The following NRXN3 variants were observed in gnomAD, a reference collection of about 807,000 sequenced individuals.
NRXN3 encodes neurexin 3.
NRXN3 carries 32 observed loss-of-function variants against 137.6 expected under a neutral mutation model. The ratio of observed to expected loss-of-function variants is 0.23; its 90% CI spans 0.18 to 0.31. The LOEUF (loss-of-function observed/expected upper bound fraction) is 0.31. NRXN3 is among the 10% of genes least tolerant of loss of function. NRXN3 has a pLI of 1.00. For synonymous variants in NRXN3, 798 were observed against 784.5 expected (o/e 1.02, Z -0.29); for missense variants, 1,574 against 2,062.5 (o/e 0.76, Z 4.59).
At chr14:78,225,561 T>G (rs2064443886) in intron 1 of NRXN3, among the ~76,000 whole-genome samples, 1 of 152,132 alleles carries the variant, frequency 6.6e-6, no homozygotes, top group Admixed American at 6.5e-5. Flanking sequence ...GCCTGTTCAC[T>G]CTGATGGTAG....
intron 16 of NRXN3, among the ~76,000 whole-genome samples, chr14:79,634,380 C>A (rs906573409): frequency 6.6e-6 from 1 of 151,960 alleles, no homozygotes; most frequent in African/African-American, 2.4e-5. Flanking sequence ...TGATAGGTTA[C>A]GTATGGAAAA....
intron 19 of NRXN3, among the ~76,000 whole-genome samples, chr14:79,744,381 CTCT>C (rs1400793032): frequency 6.6e-6 from 1 of 151,442 alleles, no homozygotes; most frequent in Non-Finnish European, 1.5e-5. Context: ...ATGTGTCATT[CTCT>C]TCTTCACCTT....
chr14:78,802,191 A>G (rs79585511), intron 8 of NRXN3, among the ~76,000 whole-genome samples: 9,643 of 152,310 alleles, frequency 0.063, 529 homozygotes, highest in African/African-American at 0.14. Flanking sequence ...ATAGTGTTTC[A>G]AAACAGCCCC....
intron 15 of NRXN3, among the ~76,000 whole-genome samples, chr14:79,116,314 T>C (rs1423894273): frequency 6.6e-6 from 1 of 152,154 alleles, no homozygotes; most frequent in Non-Finnish European, 1.5e-5. Flanking sequence ...GAGATTTTCT[T>C]TGTGGGAGTT....
At chr14:79,194,166 C>T (rs1049127993) in intron 15 of NRXN3, among the ~76,000 whole-genome samples, 3 of 152,144 alleles carry the variant, frequency 2.0e-5, no homozygotes, top group African/African-American at 4.8e-5. Flanking sequence ...CTAAAACTTT[C>T]GTTTGACTCA....
intron 15 of NRXN3, among the ~76,000 whole-genome samples, chr14:79,108,789 G>A (rs1247064931): frequency 6.6e-6 from 1 of 152,140 alleles, no homozygotes; most frequent in African/African-American, 2.4e-5. Context: ...CTTTCTAGAA[G>A]AAGGGGAGGC....
chr14:79,280,574 A>G lies in NRXN3; in HGVS notation c.3263-186647A>G, dbSNP rs566525416. 4 of 1,577,562 alleles carry G rather than the reference A, an allele frequency of 2.5e-6. No individual in the cohort carries two copies. The East Asian group carries it at 9.0e-5, about 35-fold the overall frequency. On this transcript the variant is annotated intron_variant, in intron 15 of 20. Transcript: ENST00000335750. Reference sequence around the variant, plus strand: ...CTGCTCTTTATCCTTTTAATGGGGCATAGCAATTCGCTAACCCACTAGCCT... The same window carrying G: ...CTGCTCTTTATCCTTTTAATGGGGCGTAGCAATTCGCTAACCCACTAGCCT...
At chr14:79,410,588 G>C (rs901616351) in intron 15 of NRXN3, among the ~76,000 whole-genome samples, 1 of 151,392 alleles carries the variant, frequency 6.6e-6, no homozygotes, top group African/African-American at 2.4e-5. Flanking sequence ...TTGAATTCTT[G>C]CTCCACTAGT....
intron 15 of NRXN3, among the ~76,000 whole-genome samples, chr14:79,310,196 TC>T (rs1194578672): frequency 1.1e-5 from 1 of 94,380 alleles, no homozygotes; most frequent in Non-Finnish European, 1.9e-5. Flanking sequence ...GGGAATCCTT[TC>T]CCCATTGCTT....
At chr14:79,724,177 G>A (rs761670046) in intron 19 of NRXN3, among the ~76,000 whole-genome samples, 4 of 152,058 alleles carry the variant, frequency 2.6e-5, no homozygotes, top group Non-Finnish European at 4.4e-5. Context: ...CACAGGGTAC[G>A]CCGGCACACA....
chr14:79,601,025 T>G (rs1227474783), intron 16 of NRXN3, among the ~76,000 whole-genome samples: 1 of 151,056 alleles, frequency 6.6e-6, no homozygotes, highest in Non-Finnish European at 1.5e-5. Flanking sequence ...AGATTCTTGT[T>G]TTTTTCTTTG....
chr14:78,899,341 T>C (rs77191330), intron 10 of NRXN3, among the ~76,000 whole-genome samples: 2,786 of 152,102 alleles, frequency 0.018, 53 homozygotes, highest in Admixed American at 0.047. Context: ...TCTCCAATCC[T>C]AAGCCCAAGA....
chr14:79,806,172 G>T (rs1457319208), intron 20 of NRXN3, among the ~76,000 whole-genome samples: 1 of 152,080 alleles, frequency 6.6e-6, no homozygotes, highest in African/African-American at 2.4e-5. Flanking sequence ...GAATTTTCTA[G>T]TTATTTTTTG....
At chr14:78,639,971 A>T (rs2097605348) in intron 4 of NRXN3, among the ~76,000 whole-genome samples, 1 of 152,160 alleles carries the variant, frequency 6.6e-6, no homozygotes, top group Non-Finnish European at 1.5e-5. Context: ...ATGGCCCTAG[A>T]ATCCTTCTTT....
intron 4 of NRXN3, among the ~76,000 whole-genome samples, chr14:78,413,176 G>A (rs541577683): frequency 6.6e-6 from 1 of 152,318 alleles, no homozygotes; most frequent in South Asian, 2.1e-4. Flanking sequence ...GGCCAGGGAA[G>A]CTAAGCAAAG....
intron 15 of NRXN3, among the ~76,000 whole-genome samples, chr14:79,017,673 A>G (rs1440566278): frequency 6.6e-6 from 1 of 152,146 alleles, no homozygotes; most frequent in Admixed American, 6.5e-5. Context: ...ATATATAATG[A>G]GGGAGATATA....
At chr14:78,454,254 C>T (rs1156420913) in intron 4 of NRXN3, among the ~76,000 whole-genome samples, 1 of 151,866 alleles carries the variant, frequency 6.6e-6, no homozygotes, top group Non-Finnish European at 1.5e-5. Flanking sequence ...CCCTCTAGAC[C>T]ACTAGCTCTC....
intron 14 of NRXN3, among the ~76,000 whole-genome samples, chr14:78,970,513 T>C (rs1385467041): frequency 6.6e-6 from 1 of 152,172 alleles, no homozygotes; most frequent in Non-Finnish European, 1.5e-5. Context: ...ATGGCTACTG[T>C]ATTGGTAGTA....
At chr14:79,132,370 G>C (rs925371709) in intron 15 of NRXN3, among the ~76,000 whole-genome samples, 1 of 152,188 alleles carries the variant, frequency 6.6e-6, no homozygotes, top group African/African-American at 2.4e-5. Flanking sequence ...GAGATGTGCT[G>C]TAAGTATAAA....
Sources: gnomAD v4.1 joint callset for allele counts (sites outside exome capture counted in the v4.1 genomes callset) on GRCh38, gnomAD v4.1.1 for gene constraint, MANE v1.5 for transcripts, NCBI Gene and HGNC (gene_info 2026-07-23, HGNC 2026-07-21) for gene names.